Variants in SORCS3 observed in about 807,000 individuals in gnomAD.
SORCS3 encodes the protein sortilin related VPS10 domain containing receptor 3.
In SORCS3, 57 loss-of-function variants were observed where a neutral mutation model predicts 146.3. The observed-to-expected ratio is 0.39, with a 90% CI of 0.31 to 0.49. The LOEUF is 0.49. Ranked by LOEUF, SORCS3 falls within the 20% of genes least tolerant of loss-of-function variation. SORCS3 has a pLI of 0.92. For missense variants in SORCS3, 1,341 were observed against 1,575.5 expected, an observed-to-expected ratio of 0.85 and a Z score of 2.52; for synonymous variants, 653 against 618.5, an observed-to-expected ratio of 1.06 and a Z score of -0.83.
intron 4 of SORCS3, among the ~76,000 whole-genome samples, chr10:105,035,572 A>G (rs930274099): frequency 3.3e-5 from 5 of 150,756 alleles, no homozygotes; most frequent in African/African-American, 7.3e-5. Context: ...GATTCAAGTG[A>G]TTCTCCTGCC....
intron 1 of SORCS3, among the ~76,000 whole-genome samples, chr10:104,701,991 C>G (rs1031067955): frequency 6.6e-6 from 1 of 152,060 alleles, no homozygotes; most frequent in African/African-American, 2.4e-5. Flanking sequence ...TTGTGGGCCA[C>G]CGGGTGAGCT....
chr10:105,221,072 GTTTTA>G (rs1001835486), intron 19 of SORCS3, among the ~76,000 whole-genome samples: 1 of 152,062 alleles, frequency 6.6e-6, no homozygotes, highest in Non-Finnish European at 1.5e-5. Flanking sequence ...TAAGTATTCG[GTTTTA>G]TTTTATTTTT....
At chr10:104,723,483 T>A (rs1263058412) in intron 1 of SORCS3, among the ~76,000 whole-genome samples, 1 of 152,198 alleles carries the variant, frequency 6.6e-6, no homozygotes, top group Admixed American at 6.5e-5. Context: ...GTGCTGTAGA[T>A]GTCTATTAGG....
At chr10:104,939,573 A>T (rs1418927197) in intron 3 of SORCS3, among the ~76,000 whole-genome samples, 1 of 152,108 alleles carries the variant, frequency 6.6e-6, no homozygotes, top group Non-Finnish European at 1.5e-5. Context: ...GCTTGGAGAG[A>T]CATTTTTAAT....
chr10:104,901,438 A>G (rs1449656988), intron 2 of SORCS3, among the ~76,000 whole-genome samples: 1 of 152,186 alleles, frequency 6.6e-6, no homozygotes, highest in Non-Finnish European at 1.5e-5. Context: ...CTTCCTACTC[A>G]TTTATCCCTT....
intron 2 of SORCS3, among the ~76,000 whole-genome samples, chr10:104,911,230 G>A (rs1441489043): frequency 6.6e-6 from 1 of 152,232 alleles, no homozygotes; most frequent in African/African-American, 2.4e-5. Flanking sequence ...ATCCTGGAAA[G>A]GACAGAGTCG....
intron 14 of SORCS3, among the ~76,000 whole-genome samples, chr10:105,192,971 C>G (rs1449126047): frequency 6.6e-6 from 1 of 152,198 alleles, no homozygotes; most frequent in East Asian, 1.9e-4. Flanking sequence ...GTGTGGCATT[C>G]TTTCCACCTA....
intron 20 of SORCS3, among the ~76,000 whole-genome samples, chr10:105,228,641 A>G (rs2056748629): frequency 6.6e-6 from 1 of 151,894 alleles, no homozygotes; most frequent in Admixed American, 6.6e-5. Flanking sequence ...GGTTGACAGT[A>G]TTTTCCTTTC....
intron 1 of SORCS3, among the ~76,000 whole-genome samples, chr10:104,794,622 G>GGAGGGAGGGAGGGAGAGAGAGAGA (rs1481811209): frequency 4.8e-5 from 2 of 41,396 alleles, no homozygotes; most frequent in African/African-American, 3.3e-4. Context: ...AGAGAGGGAG[G>GGAGGGAGGGAGGGAGAGAGAGAGA]GAGAGAGAGA....
Position 105,047,763 on chromosome 10 carries a change from G to T in SORCS3, c.1028+4635G>T, listed in dbSNP as rs181107369. On this transcript the variant is annotated intron_variant, in intron 5 of 26. Coordinates refer to ENST00000369701, the MANE Select transcript of SORCS3 (RefSeq NM_014978.3). ...CTTTATTGTACTTTGCTTAAGGCCGGCTTACACACTATGGGTTTCTAGTGG... is the reference window on the plus strand; with the variant it reads ...CTTTATTGTACTTTGCTTAAGGCCGTCTTACACACTATGGGTTTCTAGTGG... Among the ~76,000 whole-genome samples the T allele has an allele frequency of 2.0e-5, 3 of 152,174 alleles. No individual in the cohort carries two copies. The East Asian group carries it at 5.8e-4, about 29-fold the overall frequency.
Position 105,052,579 on chromosome 10 carries a change from A to T in SORCS3, c.1028+9451A>T, listed in dbSNP as rs527830027. Among the ~76,000 whole-genome samples, 29 of 152,258 alleles carry T rather than the reference A, an allele frequency of 1.9e-4. 1 individual carries two copies. The highest frequency in any genetic ancestry group is 6.7e-4 in the African/African-American group (28 of 41,564). The stretch of plus-strand genomic sequence containing the variant: ...GGTGGTGGGTCAGAAAAACCCCCAC[A>T]TAAAGAGACTTTGACTACTGCCATC... On this transcript the variant is annotated intron_variant, in intron 5 of 26. Transcript: ENST00000369701.
chr10:104,808,537 G>C (rs1289146804), intron 1 of SORCS3, among the ~76,000 whole-genome samples: 6 of 152,046 alleles, frequency 3.9e-5, no homozygotes, highest in Non-Finnish European at 7.4e-5. Context: ...ATGATGGGAA[G>C]GACATTCAGA....
At chr10:104,800,467 T>A (rs1490176) in intron 1 of SORCS3, among the ~76,000 whole-genome samples, 120,364 of 152,032 alleles carry the variant, frequency 0.79, 48,215 homozygotes, top group African/African-American at 0.91. Context: ...CCCCTAATGT[T>A]AACTGTGGAC....
At chr10:104,705,474 TG>T (rs1217503473) in intron 1 of SORCS3, among the ~76,000 whole-genome samples, 1 of 152,240 alleles carries the variant, frequency 6.6e-6, no homozygotes, top group African/African-American at 2.4e-5. Flanking sequence ...ATCAGGTCTT[TG>T]CAAAACATTT....
At chr10:104,986,565 A>G (rs999044951) in intron 4 of SORCS3, among the ~76,000 whole-genome samples, 7 of 152,210 alleles carry the variant, frequency 4.6e-5, no homozygotes, top group African/African-American at 7.2e-5. Context: ...CTGGCTTTCA[A>G]CGTGCCTTCC....
chr10:104,974,371 G>A (rs533714393), intron 3 of SORCS3, among the ~76,000 whole-genome samples: 2 of 152,254 alleles, frequency 1.3e-5, no homozygotes, highest in South Asian at 4.2e-4. Flanking sequence ...TTATGAACCT[G>A]GGTGCTCCTG....
At position 104,660,725 on chromosome 10, in the gene SORCS3, G is replaced by A. The variant is rs1257799862; in HGVS notation, c.627+18771G>A. Among the ~76,000 whole-genome samples the A allele has an allele frequency of 2.0e-5, 3 of 152,208 alleles. No individual in the cohort carries two copies. In the East Asian group the frequency reaches 5.8e-4, roughly 29 times the overall value. ...AGGGATGGTGACTCTTGAAATCAGA[G>A]CCTGTGCTATTTGCCTAATTTTTCC... On this transcript the variant is annotated intron_variant, in intron 1 of 26. Coordinates refer to ENST00000369701, the MANE Select transcript of SORCS3 (RefSeq NM_014978.3).
intron 1 of SORCS3, among the ~76,000 whole-genome samples, chr10:104,802,842 C>T (rs1271884653): frequency 6.6e-6 from 1 of 152,174 alleles, no homozygotes; most frequent in Non-Finnish European, 1.5e-5. Context: ...TCTTTCCCTC[C>T]TATGGCCCTG....
chr10:104,867,466 C>T (rs1360530401), intron 2 of SORCS3, among the ~76,000 whole-genome samples: 8 of 152,036 alleles, frequency 5.3e-5, no homozygotes, highest in Non-Finnish European at 5.9e-5. Flanking sequence ...CCCACCACCA[C>T]GCCCGGCTAA....
Sources: allele counts gnomAD v4.1 joint callset (sites outside exome capture counted in the v4.1 genomes callset), GRCh38; gene constraint gnomAD v4.1.1; transcripts MANE v1.5; gene names NCBI Gene and HGNC (gene_info 2026-07-23, HGNC 2026-07-21).